The following DDX10 variants were observed in gnomAD, a reference collection of about 807,000 sequenced individuals.
The protein encoded by DDX10 is DEAD-box helicase 10.
Under a neutral mutation model 104.3 loss-of-function variants are expected in DDX10, and 74 were observed. The ratio of observed to expected loss-of-function variants is 0.71; its 90% CI spans 0.59 to 0.86. The LOEUF is 0.86. Among genes scored for constraint, DDX10 ranks in the 40% least tolerant of loss-of-function variants. The pLI, the probability that DDX10 is intolerant of heterozygous loss-of-function variation, is 0.00. For synonymous variants in DDX10, 351 were observed against 353.4 expected, an observed-to-expected ratio of 0.99 and a Z score of 0.08; for missense variants, 952 against 1,040.0, an observed-to-expected ratio of 0.92 and a Z score of 1.16.
At chr11:108,880,799 G>A (rs1288039349) in intron 16 of DDX10, among the ~76,000 whole-genome samples, 1 of 152,162 alleles carries the variant, frequency 6.6e-6, no homozygotes, top group Non-Finnish European at 1.5e-5. Context: ...CCTTAAGTAT[G>A]TAATCAAAGC....
At chr11:108,923,190 T>G (rs569288497) in intron 17 of DDX10, among the ~76,000 whole-genome samples, 2 of 152,288 alleles carry the variant, frequency 1.3e-5, no homozygotes, top group Non-Finnish European at 2.9e-5. Context: ...TCTGTTTCAG[T>G]GGGCTTTGTG....
chr11:108,834,177 C>CA (rs140954868), intron 13 of DDX10, among the ~76,000 whole-genome samples: 450 of 151,184 alleles, frequency 3.0e-3, no homozygotes, highest in African/African-American at 9.6e-3. Context: ...CCAAGTTGCC[C>CA]AGGCTGGTCG....
intron 13 of DDX10, among the ~76,000 whole-genome samples, chr11:108,774,426 T>G (rs532402690): frequency 4.1e-4 from 63 of 152,350 alleles, no homozygotes; most frequent in African/African-American, 1.4e-3. Context: ...CTTAAATTAT[T>G]TCTTGCATGT....
rs189366917 is a variant in DDX10 at position 108,785,392 on chromosome 11, T to C, written c.1966-53054T>C. 2.7e-3 allele frequency among the ~76,000 whole-genome samples: 414 copies of C among 150,870 alleles called. 1 individual carries two copies. Among genetic ancestry groups the C allele is most frequent in the Non-Finnish European group, 4.9e-3 (331 of 67,238 alleles). On this transcript the variant is annotated intron_variant, in intron 13 of 17. Transcript: ENST00000322536. ...AAATATTGGCCCGAAGCTTTTTTGT[T>C]GTTGTTGTTATTGTTGTTGTTGTTG...
rs369733822 is a variant in DDX10 at position 108,897,027 on chromosome 11, C to T, written c.2305-20846C>T. On this transcript the variant is annotated intron_variant, in intron 16 of 17. Coordinates refer to ENST00000322536, the MANE Select transcript of DDX10 (RefSeq NM_004398.4). ...AAACTTTTTAAAAAATTTCTTATTACACTTTAGCTGAGAGAAACAGCTAAC... is the reference window on the plus strand; with the variant it reads ...AAACTTTTTAAAAAATTTCTTATTATACTTTAGCTGAGAGAAACAGCTAAC... Among the ~76,000 whole-genome samples, 44 of 151,982 alleles carry T rather than the reference C, an allele frequency of 2.9e-4. 1 individual carries two copies. Among genetic ancestry groups the T allele is most frequent in the African/African-American group, 1.1e-3 (44 of 41,452 alleles).
At chr11:108,811,646 T>C (rs1180707911) in intron 13 of DDX10, among the ~76,000 whole-genome samples, 2 of 152,230 alleles carry the variant, frequency 1.3e-5, no homozygotes, top group African/African-American at 2.4e-5. Context: ...GTTATAACCT[T>C]AGACAGATTT....
rs2094347614 is a variant in DDX10, at chr11:108,758,949, A to G, written c.1965+35487A>G. On this transcript the variant is annotated intron_variant, in intron 13 of 17. Coordinates refer to ENST00000322536, the MANE Select transcript of DDX10 (RefSeq NM_004398.4). ...TGATAAAGCTCCATTCAGTTGCTCT[A>G]GTTAAGTCATAATTGTGCCTCTAAG... is the stretch of plus-strand genomic sequence containing the variant. Among the ~76,000 whole-genome samples the G allele has an allele frequency of 3.3e-5, 5 of 152,182 alleles. No individual in the cohort carries two copies. The South Asian group carries it at 1.0e-3, about 32-fold the overall frequency.
In DDX10 at chr11:108,940,280, A is replaced by G. The variant is rs1864090451; in HGVS notation, c.2485A>G (p.Ser829Gly). The part of the protein sequence containing the change: ...TKKKQGMKKR[S>G]NSEVEDVGPT... ...GAAGAAGCAGGGGATGAAGAAGAGG[A>G]GCAACAGTGAAGTGGAAGACGTGGG... The change falls in exon 18 of 18, where the codon AGC (serine) becomes GGC (glycine). Residue 829 changes from serine to glycine, a missense_variant. Physicochemically the swap from Ser to Gly is moderately conservative, Grantham distance 56 (BLOSUM62 0). Transcript: ENST00000322536. 1 of 1,613,904 alleles carries G rather than the reference A, an allele frequency of 6.2e-7. No homozygotes were observed. Among genetic ancestry groups the G allele is most frequent in the African/African-American group, 1.3e-5 (1 of 74,898 alleles).
At chr11:108,900,412 A>G (rs562458329) in intron 16 of DDX10, among the ~76,000 whole-genome samples, 1 of 152,302 alleles carries the variant, frequency 6.6e-6, no homozygotes, top group Non-Finnish European at 1.5e-5. Flanking sequence ...TCAGCTCAGA[A>G]TTCCAGGTCC....
chr11:108,794,962 G>A (rs1565280524), intron 13 of DDX10, among the ~76,000 whole-genome samples: 1 of 151,968 alleles, frequency 6.6e-6, no homozygotes. Context: ...CCAATAGCTG[G>A]GATTACAGGC....
intron 5 of DDX10, among the ~76,000 whole-genome samples, chr11:108,678,772 A>C (rs906588770): frequency 1.3e-5 from 2 of 149,460 alleles, no homozygotes; most frequent in African/African-American, 4.9e-5. Context: ...ATACTACCTG[A>C]TGTGTATTTT....
At chr11:108,846,867 G>A (rs1332973965) in intron 15 of DDX10, among the ~76,000 whole-genome samples, 2 of 145,298 alleles carry the variant, frequency 1.4e-5, no homozygotes, top group Non-Finnish European at 3.1e-5. Flanking sequence ...TAGTTTAATG[G>A]CATCACTGGG....
intron 13 of DDX10, among the ~76,000 whole-genome samples, chr11:108,750,926 C>CTTTTTT (rs10582729): frequency 2.1e-4 from 5 of 24,264 alleles, no homozygotes; most frequent in African/African-American, 2.8e-4. Flanking sequence ...CACCTGGTTA[C>CTTTTTT]TTTTTTTTTT....
chr11:108,799,608 C>CA (rs1861990589), intron 13 of DDX10, among the ~76,000 whole-genome samples: 1 of 152,140 alleles, frequency 6.6e-6, no homozygotes, highest in African/African-American at 2.4e-5. Context: ...TGCTTTAGGG[C>CA]ATTAAGTGTT....
At chr11:108,902,663 T>G (rs953700347) in intron 16 of DDX10, among the ~76,000 whole-genome samples, 1 of 152,120 alleles carries the variant, frequency 6.6e-6, no homozygotes. Flanking sequence ...TAAACCTCTC[T>G]GGCAACGATG....
intron 13 of DDX10, among the ~76,000 whole-genome samples, chr11:108,732,467 G>T (rs972022464): frequency 1.3e-5 from 2 of 152,282 alleles, no homozygotes; most frequent in East Asian, 1.9e-4. Context: ...CATTGTGTGC[G>T]CACACTTGGA....
rs948569019 is a variant in DDX10, at chr11:108,685,397, C to T, written c.849-3539C>T. Among the ~76,000 whole-genome samples, 22 of 151,674 alleles carry T rather than the reference C, an allele frequency of 1.5e-4. No homozygotes were observed. The Middle Eastern group carries it at 0.01, about 70-fold the overall frequency. Reference sequence around the variant, plus strand: ...GCCTCGCCCTGCTTCGGCTCGCGCACGGTGCGCACACACACTGGCCTGCGC... The same window carrying T: ...GCCTCGCCCTGCTTCGGCTCGCGCATGGTGCGCACACACACTGGCCTGCGC... On this transcript the variant is annotated intron_variant, in intron 6 of 17. Transcript: ENST00000322536.
intron 9 of DDX10, among the ~76,000 whole-genome samples, chr11:108,701,877 G>C (rs1333700146): frequency 6.6e-6 from 1 of 151,800 alleles, no homozygotes; most frequent in Non-Finnish European, 1.5e-5. Flanking sequence ...GCAGAGACGG[G>C]GTTTTGCCAT....
intron 1 of DDX10, among the ~76,000 whole-genome samples, chr11:108,665,807 A>C (rs1046463037): frequency 1.3e-5 from 2 of 152,124 alleles, no homozygotes; most frequent in African/African-American, 4.8e-5. Flanking sequence ...TGGAAGCTAG[A>C]TCCATGTCTT....
Sources: gnomAD v4.1 joint callset for allele counts (sites outside exome capture counted in the v4.1 genomes callset) on GRCh38, gnomAD v4.1.1 for gene constraint, MANE v1.5 for transcripts, NCBI Gene and HGNC (gene_info 2026-07-23, HGNC 2026-07-21) for gene names.